Variants in FAM3B observed in about 807,000 individuals in gnomAD.
The protein encoded by FAM3B is FAM3 metabolism regulating signaling molecule B.
FAM3B carries 29 observed loss-of-function variants against 28.4 expected under a neutral mutation model. The observed-to-expected ratio is 1.02, with a 90% CI of 0.76 to 1.39. FAM3B has a LOEUF of 1.39. Ranked by LOEUF, FAM3B falls within the 40% of genes most tolerant of loss-of-function variation. The probability of loss-of-function intolerance (pLI) is 0.00; values close to 1 mark genes in which losing one functional copy is unlikely to be tolerated. For synonymous variants in FAM3B, 91 were observed against 103.0 expected (o/e 0.88, Z 0.71); for missense variants, 266 against 293.9 (o/e 0.91, Z 0.69).
intron 1 of FAM3B, among the ~76,000 whole-genome samples, chr21:41,317,790 G>A (rs1257819657): frequency 6.6e-6 from 1 of 152,116 alleles, no homozygotes; most frequent in Non-Finnish European, 1.5e-5. Flanking sequence ...TTCTGGCTGT[G>A]ATCACACTCC....
chr21:41,321,785 G>A (rs775711647), intron 1 of FAM3B, among the ~76,000 whole-genome samples: 16 of 152,174 alleles, frequency 1.1e-4, no homozygotes, highest in Admixed American at 6.6e-4. Context: ...GGACAGCTGC[G>A]CTCCTGAGAA....
rs752524374 is a variant in FAM3B, at chr21:41,322,974, CG to C, written c.75del (p.Tyr26ThrfsTer84). ...TTCGCCTCCTTGTGTGCCTGGTATT[CG>C]GGGTACCTGCTCGCAGAGCTCATTC... ...VVFASLCAWY[S>X]GYLLAELIPD... On this transcript the variant is annotated frameshift_variant, in exon 2 of 8. Coordinates refer to ENST00000357985, the MANE Select transcript of FAM3B (RefSeq NM_058186.4). LOFTEE classifies it high-confidence loss of function. 6.2e-7 allele frequency: 1 copy of C among 1,612,914 alleles called. No individual in the cohort carries two copies. The highest frequency in any genetic ancestry group is 1.1e-5 in the South Asian group (1 of 91,082).
upstream of FAM3B, among the ~76,000 whole-genome samples, chr21:41,315,265 T>G (rs563381135): frequency 7.8e-4 from 119 of 152,204 alleles, 2 homozygotes; most frequent in Middle Eastern, 3.4e-3. Flanking sequence ...GAATGGTGGT[T>G]TCCAGGGGCT....
intron 3 of FAM3B, 138 bp downstream of exon 3, chr21:41,338,639 A>G (rs2253894): frequency 0.13 from 147,539 of 1,153,890 alleles, 10,528 homozygotes; most frequent in Admixed American, 0.15. Context: ...GAGAGCATCC[A>G]AGTGGAAATG....
At chr21:41,338,313 GC>G in intron 2 of FAM3B, 64 bp from the exon 3 acceptor site, 3 of 1,585,936 alleles carry the variant, frequency 1.9e-6, no homozygotes, top group Non-Finnish European at 2.6e-6. Context: ...TCTCCGCCAA[GC>G]AGCAGGTGCA....
upstream of FAM3B, among the ~76,000 whole-genome samples, chr21:41,313,286 A>G (rs1256960643): frequency 2.0e-5 from 3 of 152,332 alleles, no homozygotes; most frequent in South Asian, 4.1e-4. Flanking sequence ...AACCTTTTTT[A>G]TAGGATTCTT....
At chr21:41,332,268 T>C (rs575488765) in intron 2 of FAM3B, among the ~76,000 whole-genome samples, 1 of 152,366 alleles carries the variant, frequency 6.6e-6, no homozygotes, top group South Asian at 2.1e-4. Context: ...CAGATGCCAG[T>C]ACCAAGCTTT....
upstream of FAM3B, among the ~76,000 whole-genome samples, chr21:41,311,902 C>A (rs1276442877): frequency 6.6e-6 from 1 of 152,156 alleles, no homozygotes; most frequent in Admixed American, 6.5e-5. Context: ...ACTGGGGAAG[C>A]CTCACAATCA....
intron 3 of FAM3B, 41 bp downstream of exon 3, chr21:41,338,542 T>C (rs1157183064): frequency 1.1e-5 from 17 of 1,610,724 alleles, no homozygotes; most frequent in Admixed American, 1.7e-5. Context: ...GCGATCCTAC[T>C]GATTCTTGCC....
Position 41,322,957 on chromosome 21 carries a change from C to T in FAM3B, c.54C>T (p.Ser18=), listed in dbSNP as rs750577150. The part of the protein sequence containing the change: ...LLKVVFVVFA[S]LCAWYSGYLL... ...AGGTGGTGTTCGTGGTCTTCGCCTC[C>T]TTGTGTGCCTGGTATTCGGGGTACC... Residue 18 remains serine (S), a synonymous_variant, in exon 2 of 8, where the codon TCC becomes TCT. Coordinates refer to ENST00000357985, the MANE Select transcript of FAM3B (RefSeq NM_058186.4). The T allele has an allele frequency of 6.2e-7, 1 of 1,613,526 alleles. No homozygotes were observed. The highest frequency in any genetic ancestry group is 8.5e-7 in the Non-Finnish European group (1 of 1,180,036).
chr21:41,335,219 C>A (rs1450977974), intron 2 of FAM3B, among the ~76,000 whole-genome samples: 1 of 152,060 alleles, frequency 6.6e-6, no homozygotes, highest in Admixed American at 6.6e-5. Flanking sequence ...TGATTTTGGA[C>A]TTTGGGGGAC....
intron 4 of FAM3B, among the ~76,000 whole-genome samples, chr21:41,345,416 G>T (rs1463780171): frequency 6.6e-6 from 1 of 152,124 alleles, no homozygotes; most frequent in Non-Finnish European, 1.5e-5. Flanking sequence ...TGTGAGATGA[G>T]TTGGGTGGGG....
chr21:41,348,344 A>G (rs2145830063), intron 6 of FAM3B, among the ~76,000 whole-genome samples: 1 of 152,286 alleles, frequency 6.6e-6, no homozygotes, highest in Non-Finnish European at 1.5e-5. Context: ...AGAATTGAGA[A>G]GTAGAATTCT....
chr21:41,339,680 A>G (rs543654130), intron 3 of FAM3B, among the ~76,000 whole-genome samples: 1 of 152,320 alleles, frequency 6.6e-6, no homozygotes, highest in South Asian at 2.1e-4. Flanking sequence ...ACTACTAACA[A>G]TACAACTACT....
intron 2 of FAM3B, among the ~76,000 whole-genome samples, chr21:41,324,468 A>G (rs1276436241): frequency 6.6e-6 from 1 of 152,206 alleles, no homozygotes; most frequent in Non-Finnish European, 1.5e-5. Context: ...AAACAAGGAA[A>G]ACGAGGTCCT....
At chr21:41,332,045 G>T (rs1047240485) in intron 2 of FAM3B, among the ~76,000 whole-genome samples, 1 of 152,190 alleles carries the variant, frequency 6.6e-6, no homozygotes, top group African/African-American at 2.4e-5. Flanking sequence ...CCTGGAGGGA[G>T]GTATTTGGAT....
intron 1 of FAM3B, among the ~76,000 whole-genome samples, chr21:41,321,544 T>C (rs1460025990): frequency 2.0e-5 from 3 of 152,202 alleles, no homozygotes; most frequent in African/African-American, 7.2e-5. Flanking sequence ...GCCTTGGGCC[T>C]CTCCCCAGAG....
rs577257763 is a variant in FAM3B, at chr21:41,317,348, G to A, written c.19+450G>A. Among the ~76,000 whole-genome samples, 6 of 151,796 alleles carry A rather than the reference G, an allele frequency of 4.0e-5. No individual in the cohort carries two copies. In the South Asian group the frequency reaches 1.0e-3, roughly 26 times the overall value. ...CTTGCACGCCAGGGAGGGGCTGGCCGCTGCCAGTTGGTAAGGCTGTTTTTA... is the reference window on the plus strand; with the variant it reads ...CTTGCACGCCAGGGAGGGGCTGGCCACTGCCAGTTGGTAAGGCTGTTTTTA... On this transcript the variant is annotated intron_variant, in intron 1 of 7. Coordinates refer to ENST00000357985, the MANE Select transcript of FAM3B (RefSeq NM_058186.4).
chr21:41,357,051 T>A, intron 7 of FAM3B, 57 bp from the exon 8 acceptor site: 1 of 1,361,086 alleles, frequency 7.3e-7, no homozygotes, highest in Non-Finnish European at 1.0e-6. Context: ...CTGATACTGA[T>A]TAAATACTTG....
Sources: gnomAD v4.1 joint callset for allele counts (sites outside exome capture counted in the v4.1 genomes callset) on GRCh38, gnomAD v4.1.1 for gene constraint, MANE v1.5 for transcripts, NCBI Gene and HGNC (gene_info 2026-07-23, HGNC 2026-07-21) for gene names.